The following EIPR1 variants were observed in gnomAD, a reference collection of about 807,000 sequenced individuals.
The protein encoded by EIPR1 is EARP complex and GARP complex interacting protein 1.
In EIPR1, 25 loss-of-function variants were observed where a neutral mutation model predicts 48.1. The observed-to-expected ratio is 0.52, with a 90% CI of 0.38 to 0.73. The LOEUF is 0.73. EIPR1 is among the 30% of genes least tolerant of loss of function. The pLI, the probability that EIPR1 is intolerant of heterozygous loss-of-function variation, is 0.00. For missense variants in EIPR1, 415 were observed against 506.2 expected, an observed-to-expected ratio of 0.82 and a Z score of 1.73; for synonymous variants, 204 against 201.9, an observed-to-expected ratio of 1.01 and a Z score of -0.09.
At chr2:3,311,753 AGGGGGCTCCACTCGCAGGATGCTGTGGTG>A (rs1444554472) in intron 3 of EIPR1, among the ~76,000 whole-genome samples, 2 of 110,376 alleles carry the variant, frequency 1.8e-5, no homozygotes, top group Non-Finnish European at 3.6e-5. Flanking sequence ...CCCAGGGTGC[AGGGGGCTCCACTCGCAGGATGCTGTGGTG>A]GGGGGCTCCA....
chr2:3,326,999 C>A (rs1408450293), intron 3 of EIPR1, among the ~76,000 whole-genome samples: 1 of 152,186 alleles, frequency 6.6e-6, no homozygotes, highest in Admixed American at 6.5e-5. Flanking sequence ...GTGCTTGGCA[C>A]AGAGGCAGGC....
intron 4 of EIPR1, among the ~76,000 whole-genome samples, chr2:3,217,382 AAT>A (rs1480968607): frequency 2.6e-5 from 4 of 152,240 alleles, no homozygotes; most frequent in Admixed American, 6.5e-5. Flanking sequence ...TAAACATCAA[AAT>A]ATGTTTTGAA....
At chr2:3,294,912 TGCACACACACCCGCCATCCAGCCCATC>T in intron 3 of EIPR1, among the ~76,000 whole-genome samples, 1 of 38,864 alleles carries the variant, frequency 2.6e-5, no homozygotes, top group Non-Finnish European at 4.8e-5. Flanking sequence ...ATTCTCTCCC[TGCACACACACCCGCCATCCAGCCCATC>T]CTCTCTACAC....
chr2:3,264,216 G>C (rs1667420319), intron 3 of EIPR1, among the ~76,000 whole-genome samples: 1 of 152,142 alleles, frequency 6.6e-6, no homozygotes, highest in African/African-American at 2.4e-5. Flanking sequence ...TTTAGATTCT[G>C]CATGTAAGTG....
intron 4 of EIPR1, among the ~76,000 whole-genome samples, chr2:3,240,484 T>C (rs1376564695): frequency 2.8e-5 from 3 of 106,632 alleles, no homozygotes; most frequent in Non-Finnish European, 4.1e-5. Flanking sequence ...AGCCAGCAGA[T>C]CCCTCCTAAA....
At chr2:3,235,448 G>GTA (rs1666375961) in intron 4 of EIPR1, among the ~76,000 whole-genome samples, 1 of 26,842 alleles carries the variant, frequency 3.7e-5, no homozygotes, top group African/African-American at 6.6e-5. Context: ...ACGCGTGCGC[G>GTA]CACACACACA....
At chr2:3,277,215 G>GC (rs1329501740) in intron 3 of EIPR1, among the ~76,000 whole-genome samples, 8 of 150,828 alleles carry the variant, frequency 5.3e-5, no homozygotes, top group South Asian at 2.1e-4. Context: ...CACCCACACG[G>GC]CCCCGCACCT....
At chr2:3,369,261 T>C (rs1045141353) in intron 1 of EIPR1, among the ~76,000 whole-genome samples, 17 of 152,240 alleles carry the variant, frequency 1.1e-4, no homozygotes, top group Admixed American at 9.2e-4. Flanking sequence ...GGAGCCAAGA[T>C]GGCCGACTAG....
chr2:3,308,701 C>T (rs909307243), intron 3 of EIPR1, among the ~76,000 whole-genome samples: 6 of 152,280 alleles, frequency 3.9e-5, no homozygotes, highest in Non-Finnish European at 7.3e-5. Flanking sequence ...AAAGCTATTC[C>T]AAGACATGGC....
chr2:3,318,967 A>T (rs181620876), intron 3 of EIPR1: 3 of 471,354 alleles, frequency 6.4e-6, no homozygotes, highest in African/African-American at 6.0e-5. Context: ...TCCTAAAAAG[A>T]CAAGAAGGAA....
At chr2:3,350,694 T>A (rs1046987417) in intron 2 of EIPR1, among the ~76,000 whole-genome samples, 7 of 152,160 alleles carry the variant, frequency 4.6e-5, no homozygotes, top group Non-Finnish European at 7.3e-5. Context: ...CACATGCCTT[T>A]ACCAGAAACA....
At chr2:3,237,087 T>A (rs1167363468) in intron 4 of EIPR1, among the ~76,000 whole-genome samples, 1 of 151,946 alleles carries the variant, frequency 6.6e-6, no homozygotes, top group Admixed American at 6.6e-5. Flanking sequence ...CAGGGAGGGA[T>A]TAGACTGAGT....
At chr2:3,276,908 G>A (rs1339731926) in intron 3 of EIPR1, among the ~76,000 whole-genome samples, 3 of 152,124 alleles carry the variant, frequency 2.0e-5, no homozygotes, top group Non-Finnish European at 4.4e-5. Flanking sequence ...TTAATTTACT[G>A]AAATTTCTAA....
At chr2:3,295,989 T>A (rs1668569779) in intron 3 of EIPR1, among the ~76,000 whole-genome samples, 1 of 83,888 alleles carries the variant, frequency 1.2e-5, no homozygotes, top group African/African-American at 4.8e-5. Flanking sequence ...ACACCCTCCA[T>A]CCAGCCCATC....
intron 3 of EIPR1, among the ~76,000 whole-genome samples, chr2:3,266,010 T>C (rs1667475204): frequency 6.6e-6 from 1 of 152,136 alleles, no homozygotes; most frequent in Admixed American, 6.5e-5. Flanking sequence ...TCAAGGCCCT[T>C]AATGAGATAA....
intron 1 of EIPR1, among the ~76,000 whole-genome samples, chr2:3,369,573 A>G (rs1671059633): frequency 2.6e-5 from 4 of 152,244 alleles, no homozygotes; most frequent in Admixed American, 2.6e-4. Context: ...ACAGCGCACC[A>G]GGAGATTATA....
At chr2:3,295,484 G>A (rs1359198324) in intron 3 of EIPR1, among the ~76,000 whole-genome samples, 2 of 93,276 alleles carry the variant, frequency 2.1e-5, no homozygotes, top group African/African-American at 8.9e-5. Flanking sequence ...CCTCCATCCA[G>A]CCCATCCTCT....
At chr2:3,344,848 G>T (rs1419925214) in intron 2 of EIPR1, among the ~76,000 whole-genome samples, 3 of 151,736 alleles carry the variant, frequency 2.0e-5, no homozygotes, top group Non-Finnish European at 4.4e-5. Flanking sequence ...TCATCATATT[G>T]GCCAGGCCAG....
intron 4 of EIPR1, among the ~76,000 whole-genome samples, chr2:3,253,146 T>A (rs1340997379): frequency 6.6e-6 from 1 of 152,184 alleles, no homozygotes; most frequent in Non-Finnish European, 1.5e-5. Flanking sequence ...ACGGTCCTTT[T>A]TCCTAACCCA....
Sources: gnomAD v4.1 joint callset for allele counts (sites outside exome capture counted in the v4.1 genomes callset) on GRCh38, gnomAD v4.1.1 for gene constraint, MANE v1.5 for transcripts, NCBI Gene and HGNC (gene_info 2026-07-23, HGNC 2026-07-21) for gene names.